The following TEX9 variants were observed in gnomAD, a reference collection of about 807,000 sequenced individuals.
TEX9 encodes the protein testis-expressed protein 9.
Under a neutral mutation model 59.6 loss-of-function variants are expected in TEX9, and 74 were observed. That is an observed-to-expected ratio of 1.24 (90% confidence interval 1.03 to 1.51). TEX9 has a LOEUF of 1.51. TEX9 is among the 40% of genes most tolerant of loss of function. The probability of loss-of-function intolerance (pLI) is 0.00; values close to 1 mark genes in which losing one functional copy is unlikely to be tolerated. For synonymous variants in TEX9, 186 were observed against 152.2 expected, an observed-to-expected ratio of 1.22 and a Z score of -1.64; for missense variants, 522 against 447.8, an observed-to-expected ratio of 1.17 and a Z score of -1.49.
chr15:56,317,345 G>T (rs1466121510), intron 1 of TEX9, among the ~76,000 whole-genome samples: 1 of 152,150 alleles, frequency 6.6e-6, no homozygotes, highest in Non-Finnish European at 1.5e-5. Flanking sequence ...TTCCCTTATA[G>T]TCCTTTTGGT....
intron 1 of TEX9, among the ~76,000 whole-genome samples, chr15:56,359,756 T>C (rs1335323858): frequency 6.6e-6 from 1 of 152,130 alleles, no homozygotes; most frequent in Non-Finnish European, 1.5e-5. Context: ...TTTATTGTCT[T>C]ATTGCACTAG....
intron 1 of TEX9, among the ~76,000 whole-genome samples, chr15:56,341,787 T>TA (rs1410737820): frequency 5.9e-5 from 9 of 152,270 alleles, no homozygotes; most frequent in African/African-American, 1.7e-4. Context: ...TATAAAAATA[T>TA]AAAAATATAC....
chr15:56,357,541 C>G (rs1225032969), intron 1 of TEX9, among the ~76,000 whole-genome samples: 1 of 152,108 alleles, frequency 6.6e-6, no homozygotes, highest in Non-Finnish European at 1.5e-5. Flanking sequence ...TTTTTCAAAT[C>G]TATCCTTCTT....
At chr15:56,318,946 TA>T (rs1596085814) in intron 1 of TEX9, among the ~76,000 whole-genome samples, 1 of 152,176 alleles carries the variant, frequency 6.6e-6, no homozygotes, top group Non-Finnish European at 1.5e-5. Flanking sequence ...AACTCTACGC[TA>T]TTACAACCCT....
chr15:56,275,072 C>T (rs1210452034), intron 1 of TEX9, among the ~76,000 whole-genome samples: 1 of 152,160 alleles, frequency 6.6e-6, no homozygotes, highest in Non-Finnish European at 1.5e-5. Context: ...CCTCATTCTT[C>T]AGTAGATCCT....
chr15:56,413,468 G>C (rs1330788167), intron 10 of TEX9, among the ~76,000 whole-genome samples: 1 of 150,826 alleles, frequency 6.6e-6, no homozygotes, highest in Non-Finnish European at 1.5e-5. Flanking sequence ...GTGTAACATA[G>C]ATTCACACTG....
chr15:56,433,535 C>T (rs1225193874), intron 12 of TEX9, among the ~76,000 whole-genome samples: 10 of 152,126 alleles, frequency 6.6e-5, no homozygotes, highest in African/African-American at 2.4e-4. Context: ...ATTCCGTATC[C>T]TTAACATCTC....
intron 9 of TEX9, among the ~76,000 whole-genome samples, chr15:56,411,164 C>G (rs2049324741): frequency 6.6e-6 from 1 of 152,118 alleles, no homozygotes; most frequent in Admixed American, 6.5e-5. Flanking sequence ...AGGCTCTGGA[C>G]TAGGCCTTAC....
At chr15:56,331,450 C>T (rs1461840617) in intron 1 of TEX9, among the ~76,000 whole-genome samples, 1 of 152,138 alleles carries the variant, frequency 6.6e-6, no homozygotes, top group Non-Finnish European at 1.5e-5. Flanking sequence ...TAATATCTAG[C>T]ATCTTCTCTG....
chr15:56,375,839 A>G (rs1329366297), intron 3 of TEX9, among the ~76,000 whole-genome samples: 1 of 151,266 alleles, frequency 6.6e-6, no homozygotes, highest in Non-Finnish European at 1.5e-5. Context: ...CAACAATGAT[A>G]GACTGGATTA....
chr15:56,279,153 A>T (rs1448854431), intron 1 of TEX9, among the ~76,000 whole-genome samples: 1 of 152,182 alleles, frequency 6.6e-6, no homozygotes, highest in African/African-American at 2.4e-5. Flanking sequence ...CAAGGATTTT[A>T]AAAATGCTTT....
chr15:56,440,564 C>T (rs996417409), intron 12 of TEX9, among the ~76,000 whole-genome samples: 9 of 152,020 alleles, frequency 5.9e-5, no homozygotes, highest in African/African-American at 2.2e-4. Flanking sequence ...GGAAGCATTC[C>T]AAATGCCCTT....
At chr15:56,404,160 T>C (rs2048948802) in intron 9 of TEX9, among the ~76,000 whole-genome samples, 1 of 152,194 alleles carries the variant, frequency 6.6e-6, no homozygotes, top group Non-Finnish European at 1.5e-5. Context: ...AAAGACCTTC[T>C]GCACATCAAA....
intron 12 of TEX9, among the ~76,000 whole-genome samples, chr15:56,436,912 G>T (rs993847430): frequency 2.6e-5 from 4 of 152,120 alleles, no homozygotes; most frequent in Non-Finnish European, 4.4e-5. Context: ...GGAAGAAGTT[G>T]AATCCCTGAA....
At chr15:56,310,927 T>C (rs1293345820) in intron 1 of TEX9, among the ~76,000 whole-genome samples, 6 of 152,100 alleles carry the variant, frequency 3.9e-5, no homozygotes, top group South Asian at 2.1e-4. Context: ...CTCCTTCCGA[T>C]TGCAGAGAGA....
chr15:56,353,416 A>G (rs1291743160), intron 1 of TEX9, among the ~76,000 whole-genome samples: 1 of 152,228 alleles, frequency 6.6e-6, no homozygotes, highest in African/African-American at 2.4e-5. Flanking sequence ...TGATATTTTT[A>G]TAAAACCATT....
At chr15:56,347,626 T>A (rs1218854004) in intron 1 of TEX9, among the ~76,000 whole-genome samples, 1 of 151,678 alleles carries the variant, frequency 6.6e-6, no homozygotes, top group Non-Finnish European at 1.5e-5. Context: ...CAAATTGGAC[T>A]GCAGACTTAA....
At chr15:56,251,215 T>C (rs2044007187) in intron 1 of TEX9, among the ~76,000 whole-genome samples, 1 of 152,236 alleles carries the variant, frequency 6.6e-6, no homozygotes, top group South Asian at 2.1e-4. Flanking sequence ...AGTGTTATAT[T>C]GTGGCTGATG....
At chr15:56,294,858 A>G (rs1484036687) in intron 1 of TEX9, among the ~76,000 whole-genome samples, 2 of 152,136 alleles carry the variant, frequency 1.3e-5, no homozygotes, top group African/African-American at 4.8e-5. Context: ...CTATATACCA[A>G]TTAGGGAGGT....
Sources: gnomAD v4.1 joint callset for allele counts (sites outside exome capture counted in the v4.1 genomes callset) on GRCh38, gnomAD v4.1.1 for gene constraint, MANE v1.5 for transcripts, NCBI Gene and HGNC (gene_info 2026-07-23, HGNC 2026-07-21) for gene names.